Variants in RHOU observed in about 807,000 individuals in gnomAD.
The protein encoded by RHOU is ras homolog family member U.
RHOU carries 8 observed loss-of-function variants against 12.6 expected under a neutral mutation model. The observed-to-expected ratio is 0.64, with a 90% CI of 0.37 to 1.15. The LOEUF is 1.15. Among genes scored for constraint, RHOU ranks in the 50% most tolerant of loss-of-function variants. The probability of loss-of-function intolerance (pLI) is 0.01; values close to 1 mark genes in which losing one functional copy is unlikely to be tolerated. For synonymous variants in RHOU, 161 were observed against 147.4 expected (o/e 1.09, Z -0.67); for missense variants, 258 against 347.0 (o/e 0.74, Z 2.04).
the RHOU span, among the ~76,000 whole-genome samples, chr1:228,673,825 G>T: frequency 3.3e-5 from 5 of 152,198 alleles, no homozygotes; most frequent in Admixed American, 6.5e-5. Context: ...CTAATACAGG[G>T]TGTTTACAGC....
At chr1:228,677,959 T>C in the RHOU span, among the ~76,000 whole-genome samples, 4 of 152,158 alleles carry the variant, frequency 2.6e-5, no homozygotes, top group African/African-American at 9.7e-5. Flanking sequence ...TCTCAGACCC[T>C]GTGGGAAAGG....
At chr1:228,681,121 C>G in the RHOU span, among the ~76,000 whole-genome samples, 1 of 152,124 alleles carries the variant, frequency 6.6e-6, no homozygotes, top group Admixed American at 6.5e-5. Context: ...TTATTGGTGT[C>G]TGATGAGAAA....
At chr1:228,659,420 C>G in the RHOU span, among the ~76,000 whole-genome samples, 2 of 151,224 alleles carry the variant, frequency 1.3e-5, no homozygotes, top group East Asian at 3.9e-4. Context: ...AAAAAGATCT[C>G]AAATTAGCAA....
At chr1:228,646,797 G>T in the RHOU span, among the ~76,000 whole-genome samples, 3 of 151,940 alleles carry the variant, frequency 2.0e-5, no homozygotes, top group South Asian at 2.1e-4. Context: ...CGGGTGCGCA[G>T]ACGCACGCAC....
chr1:228,720,574 AC>A, the RHOU span, among the ~76,000 whole-genome samples: 1 of 152,164 alleles, frequency 6.6e-6, no homozygotes, highest in South Asian at 2.1e-4. Flanking sequence ...CAAAGGAAGG[AC>A]CCTGTGAAGA....
chr1:228,688,789 T>A, the RHOU span, among the ~76,000 whole-genome samples: 1 of 152,232 alleles, frequency 6.6e-6, no homozygotes, highest in Non-Finnish European at 1.5e-5. Context: ...TCAAGCAGAA[T>A]GAACAGGTCA....
the RHOU span, among the ~76,000 whole-genome samples, chr1:228,682,965 AAGGC>A: frequency 6.6e-6 from 1 of 152,110 alleles, no homozygotes; most frequent in East Asian, 1.9e-4. Context: ...ACTTTTCTCA[AAGGC>A]AAAAGGCAGC....
chr1:228,675,128 C>T, the RHOU span, among the ~76,000 whole-genome samples: 1 of 152,132 alleles, frequency 6.6e-6, no homozygotes, highest in Admixed American at 6.6e-5. Flanking sequence ...AAGTAGGGTT[C>T]AAGTTTCATT....
At chr1:228,695,117 G>A in the RHOU span, among the ~76,000 whole-genome samples, 6 of 152,014 alleles carry the variant, frequency 3.9e-5, no homozygotes, top group Non-Finnish European at 7.4e-5. Flanking sequence ...CCACAGGCAT[G>A]CACTACCACA....
chr1:228,680,872 T>A, the RHOU span, among the ~76,000 whole-genome samples: 1 of 152,148 alleles, frequency 6.6e-6, no homozygotes, highest in African/African-American at 2.4e-5. Flanking sequence ...ACCATGTAAT[T>A]TCGCCTAGCT....
chr1:228,720,218 A>G, the RHOU span, among the ~76,000 whole-genome samples: 4 of 152,234 alleles, frequency 2.6e-5, no homozygotes, highest in Non-Finnish European at 5.9e-5. Context: ...ACTTCAGCAC[A>G]GTTTTTTGTG....
At chr1:228,657,594 A>G in the RHOU span, among the ~76,000 whole-genome samples, 1 of 152,332 alleles carries the variant, frequency 6.6e-6, no homozygotes, top group Non-Finnish European at 1.5e-5. Flanking sequence ...GGAGAGTTCA[A>G]TACCCTACTG....
At chr1:228,725,389 G>A in the RHOU span, among the ~76,000 whole-genome samples, 1 of 151,914 alleles carries the variant, frequency 6.6e-6, no homozygotes, top group Non-Finnish European at 1.5e-5. Context: ...GAACACGGAT[G>A]GCCGTGTGGA....
the RHOU span, among the ~76,000 whole-genome samples, chr1:228,722,641 T>TG: frequency 6.6e-6 from 1 of 151,900 alleles, no homozygotes; most frequent in African/African-American, 2.4e-5. Context: ...TTTTTTTTTT[T>TG]GAGATGGAGT....
the RHOU span, among the ~76,000 whole-genome samples, chr1:228,729,819 C>A: frequency 1.3e-5 from 2 of 152,082 alleles, no homozygotes; most frequent in Non-Finnish European, 1.5e-5. Context: ...TTCATGATAC[C>A]AATGGAAGAG....
chr1:228,657,827 C>T, the RHOU span, among the ~76,000 whole-genome samples: 1 of 152,148 alleles, frequency 6.6e-6, no homozygotes, highest in Non-Finnish European at 1.5e-5. Flanking sequence ...TATCAAATAT[C>T]TTCTCTGACC....
At position 228,736,337 on chromosome 1, in the gene RHOU, C is replaced by G. The variant is rs550594836; in HGVS notation, c.262+333C>G. Among the ~76,000 whole-genome samples the G allele has an allele frequency of 2.1e-3, 318 of 152,028 alleles. 2 individuals carry two copies. The highest frequency in any genetic ancestry group is 7.2e-3 in the African/African-American group (297 of 41,462). ...TGAAACAGGTTGAGTTCAGGGTGCC[C>G]GGTCAGTTTGTTGCATAGAGCAAAG... On this transcript the variant is annotated intron_variant, in intron 1 of 2. Coordinates refer to ENST00000366691, the MANE Select transcript of RHOU (RefSeq NM_021205.6).
chr1:228,675,243 G>A, the RHOU span, among the ~76,000 whole-genome samples: 1 of 152,082 alleles, frequency 6.6e-6, no homozygotes, highest in Non-Finnish European at 1.5e-5. Context: ...GTGCATAGGA[G>A]CATGGGTCTG....
chr1:228,661,900 G>C, the RHOU span, among the ~76,000 whole-genome samples: 2 of 152,128 alleles, frequency 1.3e-5, no homozygotes, highest in East Asian at 3.9e-4. Context: ...GTAATCTACA[G>C]AATGGGAGAA....
Sources: allele counts gnomAD v4.1 joint callset (sites outside exome capture counted in the v4.1 genomes callset), GRCh38; gene constraint gnomAD v4.1.1; transcripts MANE v1.5; gene names NCBI Gene and HGNC (gene_info 2026-07-23, HGNC 2026-07-21).